Variants in BNC2 observed in about 807,000 individuals in gnomAD.
BNC2 encodes the protein zinc finger protein basonuclin-2.
In BNC2, 20 loss-of-function variants were observed where a neutral mutation model predicts 76.3. That is an observed-to-expected ratio of 0.26 (90% CI 0.18 to 0.38). The LOEUF is 0.38. BNC2 is among the 10% of genes least tolerant of loss of function. BNC2 has a pLI of 1.00. For synonymous variants in BNC2, 582 were observed against 514.8 expected (o/e 1.13, Z -1.77); for missense variants, 1,382 against 1,399.8 (o/e 0.99, Z 0.20).
intron 1 of BNC2, among the ~76,000 whole-genome samples, chr9:16,801,422 G>C (rs1235626834): frequency 6.6e-6 from 1 of 150,456 alleles, no homozygotes; most frequent in Non-Finnish European, 1.5e-5. Flanking sequence ...TTTCTTAGTA[G>C]AGATGGGGTT....
chr9:16,781,168 C>G (rs1297556219), intron 1 of BNC2, among the ~76,000 whole-genome samples: 2 of 151,856 alleles, frequency 1.3e-5, no homozygotes, highest in Admixed American at 1.3e-4. Context: ...AGCCACGTAA[C>G]ATTTTGTTCA....
At chr9:16,507,250 CTTTTTTTTTTT>C (rs36072200) in intron 5 of BNC2, among the ~76,000 whole-genome samples, 2 of 83,168 alleles carry the variant, frequency 2.4e-5, no homozygotes, top group African/African-American at 5.1e-5. Flanking sequence ...TGTCCATTTG[CTTTTTTTTTTT>C]TTTTTTTTTT....
At chr9:16,753,874 A>T (rs1452933500) in intron 1 of BNC2, among the ~76,000 whole-genome samples, 5 of 152,124 alleles carry the variant, frequency 3.3e-5, no homozygotes, top group African/African-American at 1.2e-4. Context: ...ACAGTAATCC[A>T]TACTTTAGAT....
At chr9:16,543,152 G>A (rs1000070344) in intron 5 of BNC2, among the ~76,000 whole-genome samples, 1 of 152,066 alleles carries the variant, frequency 6.6e-6, no homozygotes, top group East Asian at 1.9e-4. Flanking sequence ...TTGGGGTGGG[G>A]GGACTAGGAG....
chr9:16,742,367 G>T (rs1035342953), intron 1 of BNC2, among the ~76,000 whole-genome samples: 5 of 152,196 alleles, frequency 3.3e-5, no homozygotes, highest in Non-Finnish European at 1.5e-5. Flanking sequence ...AACTGCAATT[G>T]TGGTCCAAAG....
At position 16,414,584 on chromosome 9, in the gene BNC2, A is replaced by T. The variant is rs1279430478; in HGVS notation, c.*4405T>A. 1 of 152,216 alleles carries T rather than the reference A, an allele frequency of 6.6e-6. No homozygotes were observed. The highest frequency in any genetic ancestry group is 1.5e-5 in the Non-Finnish European group (1 of 68,032). The allele number at this position is 152,216 out of a possible 1,614,324, so 9.4% of individuals were successfully genotyped here. ...GATGAAAAAAAGTTTCTTCTGGATG[A>T]TTTGTTTCTTGATGATAGCAGATGT... On this transcript the variant is annotated 3_prime_UTR_variant, in exon 7 of 7. Coordinates refer to ENST00000380672, the MANE Select transcript of BNC2 (RefSeq NM_017637.6).
intron 1 of BNC2, among the ~76,000 whole-genome samples, chr9:16,810,228 T>C (rs886391175): frequency 6.6e-6 from 1 of 152,196 alleles, no homozygotes; most frequent in Non-Finnish European, 1.5e-5. Flanking sequence ...ATGCAATCCA[T>C]AGGACAGGCT....
chr9:16,780,816 T>C (rs1586878915), intron 1 of BNC2, among the ~76,000 whole-genome samples: 1 of 152,246 alleles, frequency 6.6e-6, no homozygotes, highest in South Asian at 2.1e-4. Flanking sequence ...TACCTTGCTA[T>C]GTGGGAAACA....
rs564296828 is a variant in BNC2, at chr9:16,571,977, C to A, written c.433+11006G>T. Reference sequence around the variant, plus strand: ...ATGTCAGAAAAAACACCTCCCTAGCCAAGTTCTCCAAGCCAAACAGGTGTT... The same window carrying A: ...ATGTCAGAAAAAACACCTCCCTAGCAAAGTTCTCCAAGCCAAACAGGTGTT... On this transcript the variant is annotated intron_variant, in intron 4 of 6. Coordinates refer to ENST00000380672, the MANE Select transcript of BNC2 (RefSeq NM_017637.6). Among the ~76,000 whole-genome samples the A allele has an allele frequency of 3.9e-5, 6 of 152,152 alleles. No individual in the cohort carries two copies. The South Asian group carries it at 1.2e-3, about 32-fold the overall frequency.
chr9:16,460,347 G>A (rs1821548060), intron 5 of BNC2, among the ~76,000 whole-genome samples: 1 of 151,854 alleles, frequency 6.6e-6, no homozygotes, highest in Admixed American at 6.6e-5. Context: ...ATAAGGCCGG[G>A]CACAGTGGCT....
intron 1 of BNC2, among the ~76,000 whole-genome samples, chr9:16,750,645 G>A (rs1251253882): frequency 6.6e-6 from 1 of 152,158 alleles, no homozygotes; most frequent in Non-Finnish European, 1.5e-5. Context: ...TCTTACTTAG[G>A]TCCCAAGTTC....
At chr9:16,842,892 C>T (rs958198086) in intron 1 of BNC2, among the ~76,000 whole-genome samples, 2 of 152,168 alleles carry the variant, frequency 1.3e-5, no homozygotes, top group Non-Finnish European at 2.9e-5. Context: ...GCTGGGATTA[C>T]AGGTGTGCAC....
chr9:16,606,755 G>A (rs996921308), intron 3 of BNC2, among the ~76,000 whole-genome samples: 24 of 152,036 alleles, frequency 1.6e-4, no homozygotes, highest in Admixed American at 1.2e-3. Flanking sequence ...ACGAGGTTTC[G>A]CCACGTTGGC....
chr9:16,698,848 A>C (rs973896863), intron 3 of BNC2, among the ~76,000 whole-genome samples: 1 of 152,236 alleles, frequency 6.6e-6, no homozygotes, highest in African/African-American at 2.4e-5. Context: ...TAAATGAAGA[A>C]AGACGACTAA....
At chr9:16,570,423 A>G (rs1045790999) in intron 4 of BNC2, among the ~76,000 whole-genome samples, 9 of 152,070 alleles carry the variant, frequency 5.9e-5, no homozygotes, top group Non-Finnish European at 1.2e-4. Context: ...ATCCCTTAAA[A>G]TCTCTAGGCT....
At chr9:16,513,239 A>T (rs1023909553) in intron 5 of BNC2, among the ~76,000 whole-genome samples, 5 of 152,166 alleles carry the variant, frequency 3.3e-5, no homozygotes, top group African/African-American at 1.2e-4. Context: ...CAAAATGTGA[A>T]AACTTTATTA....
intron 1 of BNC2, among the ~76,000 whole-genome samples, chr9:16,756,550 G>A (rs1171669267): frequency 1.3e-5 from 2 of 152,180 alleles, no homozygotes; most frequent in South Asian, 2.1e-4. Context: ...GACCCTGTAA[G>A]ATTTGATCTC....
At chr9:16,866,218 C>T (rs1168456354) in intron 1 of BNC2, among the ~76,000 whole-genome samples, 1 of 152,030 alleles carries the variant, frequency 6.6e-6, no homozygotes. Context: ...AATGTAATAT[C>T]ATTTAAATCC....
intron 4 of BNC2, among the ~76,000 whole-genome samples, chr9:16,557,316 TG>T (rs1423188385): frequency 6.6e-6 from 1 of 151,902 alleles, no homozygotes; most frequent in Admixed American, 6.6e-5. Flanking sequence ...CTGGCCAACA[TG>T]GGGAAACTCC....
Sources: allele counts gnomAD v4.1 joint callset (sites outside exome capture counted in the v4.1 genomes callset), GRCh38; gene constraint gnomAD v4.1.1; transcripts MANE v1.5; gene names NCBI Gene and HGNC (gene_info 2026-07-23, HGNC 2026-07-21).